The following GRM8 variants were observed in gnomAD, a reference collection of about 807,000 sequenced individuals.
GRM8 encodes the protein glutamate metabotropic receptor 8.
In GRM8, 47 loss-of-function variants were observed where a neutral mutation model predicts 87.2. The observed-to-expected ratio is 0.54, with a 90% confidence interval of 0.43 to 0.69. The LOEUF (loss-of-function observed/expected upper bound fraction) is 0.69, where lower values mean the gene tolerates loss of function less well. GRM8 is among the 30% of genes least tolerant of loss of function. The probability of loss-of-function intolerance (pLI) is 0.00; values close to 1 mark genes in which losing one functional copy is unlikely to be tolerated. For missense variants in GRM8, 1,019 were observed against 1,139.2 expected, an observed-to-expected ratio of 0.89 and a Z score of 1.52; for synonymous variants, 396 against 404.5, an observed-to-expected ratio of 0.98 and a Z score of 0.25.
intron 2 of GRM8, among the ~76,000 whole-genome samples, chr7:127,129,847 A>G (rs1827578139): frequency 6.6e-6 from 1 of 152,186 alleles, no homozygotes; most frequent in Admixed American, 6.5e-5. Context: ...TTTTGAAGCT[A>G]TTCAATCTCT....
intron 7 of GRM8, among the ~76,000 whole-genome samples, chr7:126,751,551 A>G (rs946475640): frequency 6.6e-6 from 1 of 152,136 alleles, no homozygotes; most frequent in Admixed American, 6.6e-5. Flanking sequence ...AGACAGAAAA[A>G]CTAGGAATAC....
chr7:126,921,054 C>T (rs1437576290), intron 3 of GRM8, among the ~76,000 whole-genome samples: 7 of 152,202 alleles, frequency 4.6e-5, no homozygotes, highest in African/African-American at 1.4e-4. Flanking sequence ...TCACAGCAGA[C>T]ATTTGAGAGG....
chr7:126,846,606 T>C (rs1453853344), intron 6 of GRM8, among the ~76,000 whole-genome samples: 1 of 152,152 alleles, frequency 6.6e-6, no homozygotes, highest in Admixed American at 6.5e-5. Context: ...ATAGCTGATA[T>C]TCAAAAAATT....
chr7:126,913,771 C>T (rs1383214239), intron 3 of GRM8, among the ~76,000 whole-genome samples: 1 of 152,210 alleles, frequency 6.6e-6, no homozygotes, highest in Non-Finnish European at 1.5e-5. Flanking sequence ...TTCGCCTCCT[C>T]ATGTGGCGTA....
intron 7 of GRM8, among the ~76,000 whole-genome samples, chr7:126,633,666 A>C (rs1801571335): frequency 6.6e-6 from 1 of 152,124 alleles, no homozygotes; most frequent in Non-Finnish European, 1.5e-5. Context: ...TTTTTTGAAA[A>C]GCACTAGGAA....
rs17866038 is a variant in GRM8 at position 127,109,069 on chromosome 7, G to A, written c.511-2357C>T. ...AGCATCCCCAGTATTTCTACCACCC[G>A]CAAATTAAACCCTACTGGCAACTGA... On this transcript the variant is annotated intron_variant, in intron 2 of 10. Coordinates refer to ENST00000339582, the MANE Select transcript of GRM8 (RefSeq NM_000845.3). Among the ~76,000 whole-genome samples, 1,503 of 152,012 alleles carry A rather than the reference G, an allele frequency of 9.9e-3. 25 individuals carry two copies. The highest frequency in any genetic ancestry group is 0.034 in the African/African-American group (1,429 of 41,462).
intron 2 of GRM8, among the ~76,000 whole-genome samples, chr7:127,161,141 C>T (rs940550788): frequency 1.1e-4 from 17 of 152,010 alleles, no homozygotes; most frequent in African/African-American, 1.2e-4. Context: ...AAAGAAGAAA[C>T]GCGACTATAC....
chr7:126,586,318 T>C (rs971323063), intron 8 of GRM8, among the ~76,000 whole-genome samples: 3 of 152,146 alleles, frequency 2.0e-5, no homozygotes, highest in Non-Finnish European at 4.4e-5. Context: ...CTTCACAGAA[T>C]TGGAAAAAAT....
intron 7 of GRM8, 139 bp downstream of exon 7, chr7:126,769,726 A>G: frequency 1.6e-6 from 1 of 607,814 alleles, no homozygotes; most frequent in Non-Finnish European, 2.9e-6. Flanking sequence ...GCAGGTGGAA[A>G]AACTCACACT....
intron 8 of GRM8, among the ~76,000 whole-genome samples, chr7:126,552,224 G>C (rs560823295): frequency 6.6e-6 from 1 of 152,126 alleles, no homozygotes; most frequent in South Asian, 2.1e-4. Context: ...TCATTTGTAT[G>C]ATAATTTCAT....
intron 3 of GRM8, among the ~76,000 whole-genome samples, chr7:126,997,389 G>A (rs1813283809): frequency 2.0e-5 from 3 of 151,192 alleles, no homozygotes; most frequent in Admixed American, 1.3e-4. Context: ...AATTAGAAAA[G>A]CTAGAACAAA....
intron 9 of GRM8, among the ~76,000 whole-genome samples, chr7:126,525,303 T>A (rs1038558381): frequency 5.3e-5 from 8 of 152,216 alleles, no homozygotes; most frequent in African/African-American, 1.9e-4. Context: ...GAGCTGTATT[T>A]CCTATTCCCC....
intron 8 of GRM8, among the ~76,000 whole-genome samples, chr7:126,539,202 T>C (rs1816238065): frequency 6.6e-6 from 1 of 151,050 alleles, no homozygotes; most frequent in South Asian, 2.1e-4. Context: ...ACACCAAAAA[T>C]AAAATACTTA....
At chr7:126,554,155 A>G (rs2150938328) in intron 8 of GRM8, among the ~76,000 whole-genome samples, 1 of 152,256 alleles carries the variant, frequency 6.6e-6, no homozygotes, top group Admixed American at 6.5e-5. Context: ...AGTGTAAAGG[A>G]ACAGAAAATG....
At chr7:126,633,264 AAAAC>A (rs887972355) in intron 7 of GRM8, among the ~76,000 whole-genome samples, 12 of 152,222 alleles carry the variant, frequency 7.9e-5, no homozygotes, top group South Asian at 2.1e-4. Flanking sequence ...GGTTCTGTAA[AAAAC>A]AAACAAACAA....
chr7:126,903,796 T>C (rs1802408827), intron 5 of GRM8, among the ~76,000 whole-genome samples, 176 bp downstream of exon 5: 1 of 147,376 alleles, frequency 6.8e-6, no homozygotes, highest in African/African-American at 2.5e-5. Flanking sequence ...TATATATATA[T>C]ATATATGCAT....
At chr7:126,900,624 C>T (rs1801983340) in intron 6 of GRM8, among the ~76,000 whole-genome samples, 1 of 151,570 alleles carries the variant, frequency 6.6e-6, no homozygotes, top group African/African-American at 2.4e-5. Flanking sequence ...ATTCTCCTGC[C>T]TCAGCCTCCC....
chr7:126,871,265 G>C (rs945662417), intron 6 of GRM8, among the ~76,000 whole-genome samples: 2 of 152,088 alleles, frequency 1.3e-5, no homozygotes, highest in Non-Finnish European at 2.9e-5. Flanking sequence ...GTCACATTTT[G>C]AAGATATTTT....
At chr7:126,549,588 C>A (rs1792349077) in intron 8 of GRM8, among the ~76,000 whole-genome samples, 1 of 151,946 alleles carries the variant, frequency 6.6e-6, no homozygotes, top group Non-Finnish European at 1.5e-5. Context: ...AGTTATTCTG[C>A]CACAATACAA....
Sources: gnomAD v4.1 joint callset for allele counts (sites outside exome capture counted in the v4.1 genomes callset) on GRCh38, gnomAD v4.1.1 for gene constraint, MANE v1.5 for transcripts, NCBI Gene and HGNC (gene_info 2026-07-23, HGNC 2026-07-21) for gene names.